Variants in OR10J5 observed in about 807,000 individuals in gnomAD.
OR10J5 encodes the protein olfactory receptor family 10 subfamily J member 5.
For synonymous variants in OR10J5, 171 were observed against 137.1 expected (o/e 1.25, Z -1.73); for missense variants, 389 against 372.1 (o/e 1.05, Z -0.37).
At position 159,535,511 on chromosome 1, in the gene OR10J5, A is replaced by C; in HGVS notation, c.497T>G (p.Leu166Trp). 2 of 1,614,186 alleles carry C rather than the reference A, an allele frequency of 1.2e-6. No homozygotes were observed. The highest frequency in any genetic ancestry group is 1.7e-6 in the Non-Finnish European group (2 of 1,180,008). The part of the protein sequence containing the change: ...AVLHVTAMFN[L>W]PFCGTVVDHF... ...GTCTACCACTGTGCCACAGAACGGC[A>C]AATTGAACATGGCTGTCACATGGAG... The change falls in exon 1 of 1, where the codon TTG becomes TGG. Residue 166 changes from leucine to tryptophan, a missense_variant. Leu to Trp is a moderately conservative substitution (Grantham distance 61). Transcript: ENST00000334857.
chr1:159,535,690 G>A lies in OR10J5; in HGVS notation c.318C>T (p.Ile106=), dbSNP rs1164902125. The part of the protein sequence containing the change: ...GCATQMFFFV[I]LATNNCFLLT... Reference sequence around the variant, plus strand: ...GCAGGAAGCAATTATTAGTGGCCAAGATAACAAAAAAGAACATTTGTGTAG... The same window carrying A: ...GCAGGAAGCAATTATTAGTGGCCAAAATAACAAAAAAGAACATTTGTGTAG... Residue 106 remains isoleucine (I), a synonymous_variant, in exon 1 of 1, where the codon ATC becomes ATT. Transcript: ENST00000334857. 6.2e-7 allele frequency: 1 copy of A among 1,614,146 alleles called. No homozygotes were observed. The highest frequency in any genetic ancestry group is 1.7e-5 in the Admixed American group (1 of 60,012).
In OR10J5 at chr1:159,535,542, C is replaced by A. The variant is rs1657836832; in HGVS notation, c.466G>T (p.Ala156Ser). The A allele has an allele frequency of 6.2e-7, 1 of 1,613,936 alleles. No homozygotes were observed. Among genetic ancestry groups the A allele is most frequent in the Admixed American group, 1.7e-5 (1 of 59,984 alleles). ...CGSFGIGLTMAVLHVTAMFNL... is the reference protein window; with the variant it reads ...CGSFGIGLTMSVLHVTAMFNL... ...AACATGGCTGTCACATGGAGAACTGCCATAGTCAGACCAATGCCAAAGGAC... is the reference window on the plus strand; with the variant it reads ...AACATGGCTGTCACATGGAGAACTGACATAGTCAGACCAATGCCAAAGGAC... Residue 156 changes from alanine (A) to serine (S), a missense_variant, in exon 1 of 1, where the codon GCA (alanine) becomes TCA (serine). Physicochemically the swap from Ala to Ser is moderately conservative, Grantham distance 99 (BLOSUM62 1). Transcript: ENST00000334857.
Position 159,535,988 on chromosome 1 carries a change from G to A in OR10J5, c.20C>T (p.Thr7Ile), listed in dbSNP as rs751936964. ...CAAGAAAATGAATTCTGACACTTCT[G>A]TGAAGTTCTTTCTCTTCATTCTGCT... MKRKNF[T>I]EVSEFIFLGF... is the part of the protein sequence containing the mutation. Residue 7 changes from threonine (T) to isoleucine (I), a missense_variant, in exon 1 of 1, where the codon ACA (threonine) becomes ATA (isoleucine). By Grantham distance (89) the Thr-to-Ile change is moderately conservative (BLOSUM62 -1). Coordinates refer to ENST00000334857, the MANE Select transcript of OR10J5 (RefSeq NM_001004469.1). The A allele has an allele frequency of 1.2e-6, 2 of 1,605,516 alleles. No homozygotes were observed. Among genetic ancestry groups the A allele is most frequent in the Non-Finnish European group, 1.7e-6 (2 of 1,176,616 alleles).
rs1657838943 is a variant in OR10J5, at chr1:159,535,641, A to G, written c.367T>C (p.Tyr123His). Residue 123 changes from tyrosine (Y) to histidine (H), a missense_variant, in exon 1 of 1, where the codon TAT (tyrosine) becomes CAT (histidine). Tyr to His is a moderately conservative substitution (Grantham distance 83, BLOSUM62 2). Transcript: ENST00000334857. ...CTCAGGGGTCTGCAGATGGCCACAT[A>G]GCGGTCATACCCCATTGCAGTAAGC... The part of the protein sequence containing the change: ...FLLTAMGYDR[Y>H]VAICRPLRYT... The G allele has an allele frequency of 5.6e-6, 9 of 1,614,062 alleles. No individual in the cohort carries two copies. The highest frequency in any genetic ancestry group is 1.3e-5 in the African/African-American group (1 of 74,934).
Position 159,535,965 on chromosome 1 carries a change from A to G in OR10J5, c.43T>C (p.Leu15=). The change falls in exon 1 of 1, where the codon TTG becomes CTG. Residue 15 remains leucine, a synonymous_variant. Coordinates refer to ENST00000334857, the MANE Select transcript of OR10J5 (RefSeq NM_001004469.1). ...NFTEVSEFIF[L]GFSSFGKHQI... ...TGCTTTCCAAAGCTAGAAAATCCCA[A>G]GAAAATGAATTCTGACACTTCTGTG... The G allele has an allele frequency of 6.2e-7, 1 of 1,612,372 alleles. No individual in the cohort carries two copies. The highest frequency in any genetic ancestry group is 8.5e-7 in the Non-Finnish European group (1 of 1,179,430).
At position 159,535,784 on chromosome 1, in the gene OR10J5, A is replaced by G. The variant is rs780606436; in HGVS notation, c.224T>C (p.Leu75Pro). ...CAAAAGCATTCGTGGCACAATGACC[A>G]GTGTGTACACCGTCTCTGAACTAGC... ...MLASSETVYT[L>P]VIVPRMLLSL... Residue 75 changes from leucine (L) to proline (P), a missense_variant, in exon 1 of 1, where the codon CTG (leucine) becomes CCG (proline). Transcript: ENST00000334857. 2.5e-6 allele frequency: 4 copies of G among 1,614,048 alleles called. No individual in the cohort carries two copies. The highest frequency in any genetic ancestry group is 3.3e-5 in the Admixed American group (2 of 60,008).
At position 159,535,697 on chromosome 1, in the gene OR10J5, A is replaced by G. The variant is rs907269563; in HGVS notation, c.311T>C (p.Phe104Ser). Residue 104 changes from phenylalanine (F) to serine (S), a missense_variant, in exon 1 of 1, where the codon TTT (phenylalanine) becomes TCT (serine). Transcript: ENST00000334857. ...LAGCATQMFF[F>S]VILATNNCFL... The stretch of plus-strand genomic sequence containing the variant: ...GCAATTATTAGTGGCCAAGATAACA[A>G]AAAAGAACATTTGTGTAGCACAGCC... 20 of 1,614,082 alleles carry G rather than the reference A, an allele frequency of 1.2e-5. No homozygotes were observed. The highest frequency in any genetic ancestry group is 1.5e-5 in the Non-Finnish European group (18 of 1,180,046).
chr1:159,535,615 T>C lies in OR10J5; in HGVS notation c.393A>G (p.Arg131=), dbSNP rs766235289. The change falls in exon 1 of 1, where the codon AGA becomes AGG. Residue 131 remains arginine, a synonymous_variant. Coordinates refer to ENST00000334857, the MANE Select transcript of OR10J5 (RefSeq NM_001004469.1). ...GTCCCTTGCTCATGATGACAGTGTA[T>C]CTCAGGGGTCTGCAGATGGCCACAT... ...DRYVAICRPL[R]YTVIMSKGLC... The C allele has an allele frequency of 1.2e-6, 2 of 1,614,088 alleles. No homozygotes were observed. The highest frequency in any genetic ancestry group is 2.2e-5 in the East Asian group (1 of 44,870).
chr1:159,535,085 A>T lies in OR10J5; in HGVS notation c.923T>A (p.Ile308Asn). ...DALCRVVGRN[I>N]S ...ATGAAATAATCCAATCCATTAAGAAATATTTCTGCCCACAACTCTGCATAG... is the reference window on the plus strand; with the variant it reads ...ATGAAATAATCCAATCCATTAAGAATTATTTCTGCCCACAACTCTGCATAG... Residue 308 changes from isoleucine to asparagine, a missense_variant, in exon 1 of 1, where the codon ATT becomes AAT. Coordinates refer to ENST00000334857, the MANE Select transcript of OR10J5 (RefSeq NM_001004469.1). The T allele has an allele frequency of 6.2e-7, 1 of 1,603,830 alleles. No homozygotes were observed. Among genetic ancestry groups the T allele is most frequent in the Admixed American group, 1.7e-5 (1 of 59,300 alleles).
Position 159,535,426 on chromosome 1 carries a change from A to G in OR10J5, c.582T>C (p.Asn194=). Residue 194 remains asparagine, a synonymous_variant, in exon 1 of 1, where the codon AAT becomes AAC. Coordinates refer to ENST00000334857, the MANE Select transcript of OR10J5 (RefSeq NM_001004469.1). ...MKLSCIDTTI[N]EIINYGVSSF... ...AACTTACACCATAATTTATTATCTC[A>G]TTGATAGTGGTATCAATGCAAGAAA... 17 of 1,608,044 alleles carry G rather than the reference A, an allele frequency of 1.1e-5. No homozygotes were observed. Among genetic ancestry groups the G allele is most frequent in the Non-Finnish European group, 1.4e-5 (17 of 1,174,384 alleles).
In OR10J5 at chr1:159,535,845, G is replaced by C. The variant is rs1484395596; in HGVS notation, c.163C>G (p.Leu55Val). The C allele has an allele frequency of 6.2e-7, 1 of 1,614,160 alleles. No individual in the cohort carries two copies. The highest frequency in any genetic ancestry group is 1.1e-5 in the South Asian group (1 of 91,084). Residue 55 changes from leucine to valine, a missense_variant, in exon 1 of 1, where the codon CTC (leucine) becomes GTC (valine). By Grantham distance (32) the Leu-to-Val change is conservative. Transcript: ENST00000334857. Reference protein sequence around the residue: ...IVTIICIDHHLHTPMYFFLSM... With the variant: ...IVTIICIDHHVHTPMYFFLSM... Reference sequence around the variant, plus strand: ...AGGAAGAAATACATGGGAGTGTGGAGATGATGGTCAATGCAGATGATAGTC... The same window carrying C: ...AGGAAGAAATACATGGGAGTGTGGACATGATGGTCAATGCAGATGATAGTC...
chr1:159,535,301 G>C lies in OR10J5; in HGVS notation c.707C>G (p.Thr236Ser). 6.2e-7 allele frequency: 1 copy of C among 1,614,074 alleles called. No homozygotes were observed. Among genetic ancestry groups the C allele is most frequent in the Non-Finnish European group, 8.5e-7 (1 of 1,180,012 alleles). ...QIASAEGRKK[T>S]FATCVSHLTV... is the part of the protein sequence containing the mutation. Reference sequence around the variant, plus strand: ...GAGGTGGGAGACACAGGTGGCAAAGGTCTTCTTCCGGCCCTCAGCTGAGGC... The same window carrying C: ...GAGGTGGGAGACACAGGTGGCAAAGCTCTTCTTCCGGCCCTCAGCTGAGGC... The change falls in exon 1 of 1, where the codon ACC (threonine) becomes AGC (serine). Residue 236 changes from threonine to serine, a missense_variant. Thr to Ser is a moderately conservative substitution (Grantham distance 58). Transcript: ENST00000334857.
In OR10J5 at chr1:159,535,198, G is replaced by A; in HGVS notation, c.810C>T (p.Asp270=). The change falls in exon 1 of 1, where the codon GAC becomes GAT. Residue 270 remains aspartate (D), a synonymous_variant. Transcript: ENST00000334857. ...KPKSESSIEK[D]LVLSVTYTII... ...TGGTGTACGTCACTGAGAGAACAAG[G>A]TCTTTTTCTATTGAACTTTCTGACT... The A allele has an allele frequency of 1.2e-6, 2 of 1,613,872 alleles. No individual in the cohort carries two copies. The highest frequency in any genetic ancestry group is 8.5e-7 in the Non-Finnish European group (1 of 1,179,834).
chr1:159,535,935 T>C lies in OR10J5; in HGVS notation c.73A>G (p.Ile25Val). 6.2e-7 allele frequency: 1 copy of C among 1,613,708 alleles called. No individual in the cohort carries two copies. The highest frequency in any genetic ancestry group is 8.5e-7 in the Non-Finnish European group (1 of 1,179,868). The change falls in exon 1 of 1, where the codon ATA becomes GTA. Residue 25 changes from isoleucine to valine, a missense_variant. Ile to Val is a conservative substitution (Grantham distance 29). Coordinates refer to ENST00000334857, the MANE Select transcript of OR10J5 (RefSeq NM_001004469.1). ...GTTAGGAAAACCACAAAGAGGGTTA[T>C]CTGATGCTTTCCAAAGCTAGAAAAT... ...LGFSSFGKHQ[I>V]TLFVVFLTVY...
Position 159,535,698 on chromosome 1 carries a change from A to C in OR10J5, c.310T>G (p.Phe104Val). 1 of 1,614,172 alleles carries C rather than the reference A, an allele frequency of 6.2e-7. No individual in the cohort carries two copies. Among genetic ancestry groups the C allele is most frequent in the Non-Finnish European group, 8.5e-7 (1 of 1,180,026 alleles). Reference protein sequence around the residue: ...LAGCATQMFFFVILATNNCFL... With the variant: ...LAGCATQMFFVVILATNNCFL... ...CAATTATTAGTGGCCAAGATAACAAAAAAGAACATTTGTGTAGCACAGCCT... is the reference window on the plus strand; with the variant it reads ...CAATTATTAGTGGCCAAGATAACAACAAAGAACATTTGTGTAGCACAGCCT... Residue 104 changes from phenylalanine (F) to valine (V), a missense_variant, in exon 1 of 1, where the codon TTT becomes GTT. By Grantham distance (50) the Phe-to-Val change is conservative (BLOSUM62 -1). Coordinates refer to ENST00000334857, the MANE Select transcript of OR10J5 (RefSeq NM_001004469.1).
In OR10J5 at chr1:159,535,607, A is replaced by G. The variant is rs140507366; in HGVS notation, c.401T>C (p.Val134Ala). ...GGCACATAGTCCCTTGCTCATGATG[A>G]CAGTGTATCTCAGGGGTCTGCAGAT... Reference protein sequence around the residue: ...VAICRPLRYTVIMSKGLCAQL... With the variant: ...VAICRPLRYTAIMSKGLCAQL... Residue 134 changes from valine (V) to alanine (A), a missense_variant, in exon 1 of 1, where the codon GTC (valine) becomes GCC (alanine). By Grantham distance (64) the Val-to-Ala change is moderately conservative (BLOSUM62 0). Transcript: ENST00000334857. 1,543 of 1,614,048 alleles carry G rather than the reference A, an allele frequency of 9.6e-4. 1 individual carries two copies. Among genetic ancestry groups the G allele is most frequent in the Non-Finnish European group, 1.3e-3 (1,488 of 1,180,042 alleles).
In OR10J5 at chr1:159,535,804, A is replaced by C; in HGVS notation, c.204T>G (p.Ser68Arg). ...PMYFFLSMLA[S>R]SETVYTLVIV... The stretch of plus-strand genomic sequence containing the variant: ...TGACCAGTGTGTACACCGTCTCTGA[A>C]CTAGCCAGCATGCTTAGGAAGAAAT... Residue 68 changes from serine to arginine, a missense_variant, in exon 1 of 1, where the codon AGT (serine) becomes AGG (arginine). Coordinates refer to ENST00000334857, the MANE Select transcript of OR10J5 (RefSeq NM_001004469.1). 1 of 1,614,168 alleles carries C rather than the reference A, an allele frequency of 6.2e-7. No individual in the cohort carries two copies. Among genetic ancestry groups the C allele is most frequent in the Non-Finnish European group, 8.5e-7 (1 of 1,180,014 alleles).
Position 159,535,510 on chromosome 1 carries a change from C to A in OR10J5, c.498G>T (p.Leu166Phe). Residue 166 changes from leucine (L) to phenylalanine (F), a missense_variant, in exon 1 of 1, where the codon TTG becomes TTT. By Grantham distance (22) the Leu-to-Phe change is conservative. Coordinates refer to ENST00000334857, the MANE Select transcript of OR10J5 (RefSeq NM_001004469.1). ...GGTCTACCACTGTGCCACAGAACGG[C>A]AAATTGAACATGGCTGTCACATGGA... Reference protein sequence around the residue: ...AVLHVTAMFNLPFCGTVVDHF... With the variant: ...AVLHVTAMFNFPFCGTVVDHF... The A allele has an allele frequency of 3.7e-6, 6 of 1,614,074 alleles. No homozygotes were observed. Among genetic ancestry groups the A allele is most frequent in the Non-Finnish European group, 5.1e-6 (6 of 1,179,984 alleles).
rs1260725506 is a variant in OR10J5, at chr1:159,535,436, G to A, written c.572C>T (p.Thr191Ile). The change falls in exon 1 of 1, where the codon ACC becomes ATC. Residue 191 changes from threonine (T) to isoleucine (I), a missense_variant. Coordinates refer to ENST00000334857, the MANE Select transcript of OR10J5 (RefSeq NM_001004469.1). Reference protein sequence around the residue: ...YPVMKLSCIDTTINEIINYGV... With the variant: ...YPVMKLSCIDITINEIINYGV... ...ATAATTTATTATCTCATTGATAGTG[G>A]TATCAATGCAAGAAAGTTTCATGAC... The A allele has an allele frequency of 6.2e-7, 1 of 1,611,684 alleles. No homozygotes were observed. Among genetic ancestry groups the A allele is most frequent in the South Asian group, 1.1e-5 (1 of 91,028 alleles).
Sources: allele counts gnomAD v4.1 joint callset, GRCh38; gene constraint gnomAD v4.1.1; transcripts MANE v1.5; gene names NCBI Gene and HGNC (gene_info 2026-07-23, HGNC 2026-07-21).